PLPPR1: variants seen among roughly 807,000 people sequenced by gnomAD.
The protein encoded by PLPPR1 is phospholipid phosphatase-related protein type 1.
Under a neutral mutation model 33.1 loss-of-function variants are expected in PLPPR1, and 10 were observed. That is an observed-to-expected ratio of 0.30 (90% CI 0.19 to 0.51). PLPPR1 has a LOEUF of 0.51. PLPPR1 is among the 20% of genes least tolerant of loss of function. The pLI, the probability that PLPPR1 is intolerant of heterozygous loss-of-function variation, is 0.97. For missense variants in PLPPR1, 304 were observed against 408.1 expected (o/e 0.74, Z 2.20); for synonymous variants, 151 against 151.0 (o/e 1.00, Z 0.00).
At chr9:101,295,244 G>C (rs1394582993) in intron 4 of PLPPR1, among the ~76,000 whole-genome samples, 210 of 148,270 alleles carry the variant, frequency 1.4e-3, no homozygotes, top group East Asian at 6.0e-3. Context: ...CAACTTACAA[G>C]GGACGTGAAG....
At chr9:101,129,252 C>T (rs1047146966) in intron 1 of PLPPR1, among the ~76,000 whole-genome samples, 1 of 152,066 alleles carries the variant, frequency 6.6e-6, no homozygotes, top group Non-Finnish European at 1.5e-5. Flanking sequence ...TTGGAACTCT[C>T]ATTCACCACT....
chr9:101,195,166 A>G (rs1826374064), intron 2 of PLPPR1, among the ~76,000 whole-genome samples: 1 of 152,196 alleles, frequency 6.6e-6, no homozygotes, highest in Non-Finnish European at 1.5e-5. Context: ...GTGATTCACA[A>G]CACAGGCTTT....
At chr9:101,179,519 A>T (rs1052148602) in intron 1 of PLPPR1, among the ~76,000 whole-genome samples, 1 of 152,114 alleles carries the variant, frequency 6.6e-6, no homozygotes, top group Non-Finnish European at 1.5e-5. Context: ...GTGACATAAG[A>T]TTTATTGACT....
intron 4 of PLPPR1, among the ~76,000 whole-genome samples, chr9:101,305,949 A>G (rs947850805): frequency 6.6e-6 from 1 of 152,134 alleles, no homozygotes; most frequent in Admixed American, 6.5e-5. Context: ...AAAAAGTGAG[A>G]GACTTTAACA....
intron 7 of PLPPR1, chr9:101,322,638 C>G (rs574192215): frequency 2.0e-5 from 3 of 152,268 alleles, no homozygotes; most frequent in East Asian, 1.9e-4. Flanking sequence ...AATATCCACC[C>G]TCACCTAGTT....
chr9:101,148,971 C>T (rs1024275119), intron 1 of PLPPR1, among the ~76,000 whole-genome samples: 1 of 152,182 alleles, frequency 6.6e-6, no homozygotes, highest in Non-Finnish European at 1.5e-5. Context: ...TCTTCCCCAT[C>T]CTTCTGGCTG....
intron 1 of PLPPR1, among the ~76,000 whole-genome samples, chr9:101,180,099 TATA>T (rs1826077208): frequency 6.6e-4 from 5 of 7,538 alleles, no homozygotes; most frequent in Non-Finnish European, 1.1e-3. Flanking sequence ...CTCCTTTATA[TATA>T]TATATATATA....
At chr9:101,236,688 A>C (rs1440715900) in intron 2 of PLPPR1, among the ~76,000 whole-genome samples, 1 of 151,678 alleles carries the variant, frequency 6.6e-6, no homozygotes, top group African/African-American at 2.4e-5. Context: ...TACAACGTGT[A>C]ATGATCAAAT....
At chr9:101,297,623 C>G (rs1416463967) in intron 4 of PLPPR1, among the ~76,000 whole-genome samples, 1 of 152,178 alleles carries the variant, frequency 6.6e-6, no homozygotes, top group Non-Finnish European at 1.5e-5. Context: ...CATAGCTAAA[C>G]TTCTCTATCC....
chr9:101,040,970 C>T (rs560923247), intron 1 of PLPPR1, among the ~76,000 whole-genome samples: 59 of 152,252 alleles, frequency 3.9e-4, no homozygotes, highest in African/African-American at 1.3e-3. Flanking sequence ...GTGGCAATCA[C>T]TAGGTCTGAA....
At chr9:101,146,785 A>T (rs1239145658) in intron 1 of PLPPR1, among the ~76,000 whole-genome samples, 1 of 152,234 alleles carries the variant, frequency 6.6e-6, no homozygotes, top group African/African-American at 2.4e-5. Context: ...AGGGTCAAGA[A>T]GCTTAAAATT....
At chr9:101,285,857 CAATTT>C (rs111877452) in intron 3 of PLPPR1, among the ~76,000 whole-genome samples, 58 of 152,290 alleles carry the variant, frequency 3.8e-4, no homozygotes, top group African/African-American at 1.2e-3. Context: ...CTTATTATTT[CAATTT>C]GTTTCCATGT....
intron 1 of PLPPR1, among the ~76,000 whole-genome samples, chr9:101,124,268 G>A (rs569806714): frequency 1.8e-4 from 28 of 152,194 alleles, no homozygotes; most frequent in African/African-American, 5.1e-4. Context: ...TCTAGCGGTT[G>A]CAGAAGGATG....
chr9:101,041,066 A>G lies in PLPPR1; in HGVS notation c.-46+11964A>G, dbSNP rs538152791. Among the ~76,000 whole-genome samples, 9 of 152,294 alleles carry G rather than the reference A, an allele frequency of 5.9e-5. No homozygotes were observed. In the South Asian group the frequency reaches 6.2e-4, roughly 11 times the overall value. ...GAGATCTGTGAACGCATAGTGGAAA[A>G]TGGTCCCCAATGTAGGGGCTTGGTC... On this transcript the variant is annotated intron_variant, in intron 1 of 7. Coordinates refer to ENST00000374874, the MANE Select transcript of PLPPR1 (RefSeq NM_207299.2).
chr9:101,067,134 G>T (rs948224140), intron 1 of PLPPR1, among the ~76,000 whole-genome samples: 1 of 151,774 alleles, frequency 6.6e-6, no homozygotes, highest in African/African-American at 2.4e-5. Context: ...CCTCAACTCT[G>T]TTGCGAGGTC....
intron 1 of PLPPR1, among the ~76,000 whole-genome samples, chr9:101,041,471 C>T (rs1212153869): frequency 6.6e-6 from 1 of 152,028 alleles, no homozygotes; most frequent in African/African-American, 2.4e-5. Flanking sequence ...GGACATATAC[C>T]TTCTTATTTC....
intron 1 of PLPPR1, among the ~76,000 whole-genome samples, chr9:101,029,523 G>T (rs1279601567): frequency 6.6e-6 from 1 of 152,182 alleles, no homozygotes; most frequent in East Asian, 1.9e-4. Flanking sequence ...ACCCGGGCGG[G>T]GGTTGAGATT....
At chr9:101,177,963 GA>G (rs972277853) in intron 1 of PLPPR1, among the ~76,000 whole-genome samples, 2 of 152,162 alleles carry the variant, frequency 1.3e-5, no homozygotes, top group African/African-American at 4.8e-5. Context: ...GTTTAACAAG[GA>G]AAGTCTCTGA....
At chr9:101,055,795 G>A (rs1830272566) in intron 1 of PLPPR1, among the ~76,000 whole-genome samples, 1 of 152,184 alleles carries the variant, frequency 6.6e-6, no homozygotes, top group African/African-American at 2.4e-5. Context: ...ACACGGGTAG[G>A]ATGGAGAGGT....
Sources: gnomAD v4.1 joint callset for allele counts (sites outside exome capture counted in the v4.1 genomes callset) on GRCh38, gnomAD v4.1.1 for gene constraint, MANE v1.5 for transcripts, NCBI Gene and HGNC (gene_info 2026-07-23, HGNC 2026-07-21) for gene names.